The following KIRREL3 variants were observed in gnomAD, a reference collection of about 807,000 sequenced individuals.
KIRREL3 encodes kirre like nephrin family adhesion molecule 3.
KIRREL3 carries 36 observed loss-of-function variants against 89.7 expected under a neutral mutation model. That is an observed-to-expected ratio of 0.40 (90% CI 0.31 to 0.53). The LOEUF is 0.53. Ranked by LOEUF, KIRREL3 falls within the 20% of genes least tolerant of loss-of-function variation. The pLI is 0.49. For missense variants in KIRREL3, 864 were observed against 1,056.6 expected, an observed-to-expected ratio of 0.82 and a Z score of 2.53; for synonymous variants, 445 against 441.4, an observed-to-expected ratio of 1.01 and a Z score of -0.10.
In KIRREL3 at chr11:126,547,454, C is replaced by T. The variant is rs549356312; in HGVS notation, c.133+15381G>A. 2.1e-4 allele frequency among the ~76,000 whole-genome samples: 32 copies of T among 152,290 alleles called. 1 individual carries two copies. The highest frequency in any genetic ancestry group is 1.0e-3 in the South Asian group (5 of 4,818). Reference sequence around the variant, plus strand: ...GCTACAGAAATGCTGCCTGTGTGTACGCGTGATCCCTCCTCCCCCGTGTGT... The same window carrying T: ...GCTACAGAAATGCTGCCTGTGTGTATGCGTGATCCCTCCTCCCCCGTGTGT... On this transcript the variant is annotated intron_variant, in intron 2 of 16. Transcript: ENST00000525144.
chr11:126,973,310 AGC>A (rs1347214998), intron 1 of KIRREL3, among the ~76,000 whole-genome samples: 2 of 152,144 alleles, frequency 1.3e-5, no homozygotes, highest in African/African-American at 4.8e-5. Context: ...ATGTAGACTT[AGC>A]CTCAGGGGCC....
In KIRREL3 at chr11:126,535,302, T is replaced by C. The variant is rs1937760341; in HGVS notation, c.134-8615A>G. Among the ~76,000 whole-genome samples the C allele has an allele frequency of 6.6e-6, 1 of 152,116 alleles. No individual in the cohort carries two copies. Among genetic ancestry groups the C allele is most frequent in the Admixed American group, 6.5e-5 (1 of 15,274 alleles). ...TGGATGCAGCGCCCTCATCTTAATCTCTTTTCTGGGACTCGCAGCACACAT... is the reference window on the plus strand; with the variant it reads ...TGGATGCAGCGCCCTCATCTTAATCCCTTTTCTGGGACTCGCAGCACACAT... On this transcript the variant is annotated intron_variant, in intron 2 of 16. Transcript: ENST00000525144. The surrounding 1 kb of genome is among the most constrained non-coding windows in gnomAD (Gnocchi z 4.5).
At chr11:126,695,245 G>T (rs1591975334) in intron 1 of KIRREL3, among the ~76,000 whole-genome samples, 5 of 152,046 alleles carry the variant, frequency 3.3e-5, no homozygotes, top group Admixed American at 6.6e-5. Context: ...TGATCAGAAG[G>T]TCTGAGCCTC....
At chr11:126,580,223 G>C (rs1941472526) in intron 1 of KIRREL3, among the ~76,000 whole-genome samples, 2 of 152,176 alleles carry the variant, frequency 1.3e-5, no homozygotes, top group Admixed American at 6.5e-5. Context: ...TGCTGGAGAG[G>C]CCAGTTACGG....
At position 126,489,231 on chromosome 11, in the gene KIRREL3, G is replaced by A. The variant is rs186963079; in HGVS notation, c.434-15765C>T. 2.0e-5 allele frequency among the ~76,000 whole-genome samples: 3 copies of A among 152,264 alleles called. No individual in the cohort carries two copies. Among genetic ancestry groups the A allele is most frequent in the Admixed American group, 6.5e-5 (1 of 15,290 alleles). The stretch of plus-strand genomic sequence containing the variant: ...ATGGGAATCACTGCTGGCTGGACCC[G>A]GGTGCCTGGCTCGATGGGAGCTTCC... On this transcript the variant is annotated intron_variant, in intron 4 of 16. Transcript: ENST00000525144. This position sits in a 1 kb window ranked among gnomAD's most constrained non-coding sequence, Gnocchi z 5.5.
intron 1 of KIRREL3, among the ~76,000 whole-genome samples, chr11:126,777,719 C>T (rs779636458): frequency 3.3e-4 from 51 of 152,326 alleles, no homozygotes; most frequent in Admixed American, 2.0e-4. Flanking sequence ...CACTGGTTTA[C>T]CATCTGCATC....
chr11:126,675,530 T>C (rs565895457), intron 1 of KIRREL3, among the ~76,000 whole-genome samples: 2 of 152,304 alleles, frequency 1.3e-5, no homozygotes, highest in Admixed American at 1.3e-4. Context: ...CAGGCAGCAG[T>C]ATTAGATAAT....
Position 126,955,949 on chromosome 11 carries a change from CA to C in KIRREL3, c.55+44505del, listed in dbSNP as rs1444188041. 6.6e-6 allele frequency among the ~76,000 whole-genome samples: 1 copy of C among 152,128 alleles called. No homozygotes were observed. The highest frequency in any genetic ancestry group is 2.4e-5 in the African/African-American group (1 of 41,412). ...ATGAATTGAATTACACAACAAAATG[CA>C]AAATGTTAAACGTTCTATGAAAAAA... On this transcript the variant is annotated intron_variant, in intron 1 of 16. Coordinates refer to ENST00000525144, the MANE Select transcript of KIRREL3 (RefSeq NM_032531.4). This position sits in a 1 kb window ranked among gnomAD's most constrained non-coding sequence, Gnocchi z 4.6.
At position 126,962,429 on chromosome 11, in the gene KIRREL3, A is replaced by G. The variant is rs558639280; in HGVS notation, c.55+38026T>C. 9.2e-5 allele frequency among the ~76,000 whole-genome samples: 14 copies of G among 152,338 alleles called. No individual in the cohort carries two copies. In the East Asian group the frequency reaches 2.3e-3, roughly 25 times the overall value. On this transcript the variant is annotated intron_variant, in intron 1 of 16. Coordinates refer to ENST00000525144, the MANE Select transcript of KIRREL3 (RefSeq NM_032531.4). ...AACTGCAGATGTGGTGGAAGCAGCA[A>G]GAGAAGTAGAATTTGAAGTGAAGCC...
chr11:126,982,085 AGACC>A (rs1565475890), intron 1 of KIRREL3, among the ~76,000 whole-genome samples: 1 of 152,226 alleles, frequency 6.6e-6, no homozygotes, highest in Non-Finnish European at 1.5e-5. Flanking sequence ...CCAGAGATCC[AGACC>A]CAGCCTCAAT....
rs545165911 is a variant in KIRREL3, at chr11:126,647,906, A to G, written c.56-84994T>C. Reference sequence around the variant, plus strand: ...CTCCGGGGTCTGGCCTCGTTGTTACACTTTGACTTAATCTTCACTCTTCCT... The same window carrying G: ...CTCCGGGGTCTGGCCTCGTTGTTACGCTTTGACTTAATCTTCACTCTTCCT... On this transcript the variant is annotated intron_variant, in intron 1 of 16. Coordinates refer to ENST00000525144, the MANE Select transcript of KIRREL3 (RefSeq NM_032531.4). The surrounding 1 kb of genome is among the most constrained non-coding windows in gnomAD (Gnocchi z 4.9). Among the ~76,000 whole-genome samples the G allele has an allele frequency of 4.6e-5, 7 of 152,294 alleles. No individual in the cohort carries two copies. Among genetic ancestry groups the G allele is most frequent in the Admixed American group, 3.9e-4 (6 of 15,304 alleles).
intron 15 of KIRREL3, among the ~76,000 whole-genome samples, chr11:126,426,720 C>T (rs945139402): frequency 6.6e-6 from 1 of 152,194 alleles, no homozygotes; most frequent in Non-Finnish European, 1.5e-5. Context: ...TTCCCTCCTA[C>T]TCTCTGGGCC....
At position 126,754,943 on chromosome 11, in the gene KIRREL3, G is replaced by A. The variant is rs1259227802; in HGVS notation, c.56-192031C>T. ...CTTCTTCCTGGTGAGCAAATACACA[G>A]CAAGAGAGGCGGATGTGAAGAAAAG... On this transcript the variant is annotated intron_variant, in intron 1 of 16. Transcript: ENST00000525144. This position sits in a 1 kb window ranked among gnomAD's most constrained non-coding sequence, Gnocchi z 5.1. Among the ~76,000 whole-genome samples, 1 of 152,212 alleles carries A rather than the reference G, an allele frequency of 6.6e-6. No homozygotes were observed. The highest frequency in any genetic ancestry group is 1.5e-5 in the Non-Finnish European group (1 of 68,032).
chr11:126,444,280 G>C (rs1044083667), intron 10 of KIRREL3, among the ~76,000 whole-genome samples: 3 of 152,212 alleles, frequency 2.0e-5, no homozygotes, highest in African/African-American at 7.2e-5. Context: ...GGGCTCCCTG[G>C]CTGGGTGACT....
At chr11:126,875,718 C>G (rs972416454) in intron 1 of KIRREL3, among the ~76,000 whole-genome samples, 1 of 152,198 alleles carries the variant, frequency 6.6e-6, no homozygotes, top group African/African-American at 2.4e-5. Flanking sequence ...AAAAATTGTT[C>G]ATTGTTTTTC....
chr11:126,827,569 G>A (rs754594511), intron 1 of KIRREL3, among the ~76,000 whole-genome samples: 2 of 152,144 alleles, frequency 1.3e-5, no homozygotes, highest in Non-Finnish European at 2.9e-5. Flanking sequence ...AAACAGTAAT[G>A]CACTTTCGAG....
Position 126,508,306 on chromosome 11 carries a change from C to T in KIRREL3, c.433+13009G>A, listed in dbSNP as rs1410132890. Among the ~76,000 whole-genome samples, 1 of 152,098 alleles carries T rather than the reference C, an allele frequency of 6.6e-6. No homozygotes were observed. The highest frequency in any genetic ancestry group is 2.4e-5 in the African/African-American group (1 of 41,406). ...GGCTTCTGGGTGCCTATGAACCTCC[C>T]CCTTGGAAAAACCTCCTTCACACGG... On this transcript the variant is annotated intron_variant, in intron 4 of 16. Transcript: ENST00000525144. This position sits in a 1 kb window ranked among gnomAD's most constrained non-coding sequence, Gnocchi z 4.9.
chr11:126,499,273 T>A (rs7127176), intron 4 of KIRREL3, among the ~76,000 whole-genome samples: 1 of 152,062 alleles, frequency 6.6e-6, no homozygotes, highest in African/African-American at 2.4e-5. Flanking sequence ...GAAAATCCAT[T>A]GGGTGACTCT....
chr11:126,473,577 T>A, intron 4 of KIRREL3, 111 bp from the exon 5 acceptor site: 2 of 883,914 alleles, frequency 2.3e-6, no homozygotes, highest in Non-Finnish European at 3.3e-6. Context: ...TATCACACAT[T>A]AATAAAACGC....
Sources: gnomAD v4.1 joint callset for allele counts (sites outside exome capture counted in the v4.1 genomes callset) on GRCh38, gnomAD v4.1.1 for gene constraint, Gnocchi (gnomAD v3.1) non-coding constraint, MANE v1.5 for transcripts, NCBI Gene and HGNC (gene_info 2026-07-23, HGNC 2026-07-21) for gene names.